EPHA3: variants seen among roughly 807,000 people sequenced by gnomAD.
The protein encoded by EPHA3 is EPH receptor A3.
EPHA3 carries 42 observed loss-of-function variants against 107.1 expected under a neutral mutation model. The ratio of observed to expected loss-of-function variants is 0.39; its 90% CI spans 0.31 to 0.51. The LOEUF is 0.51. Among genes scored for constraint, EPHA3 ranks in the 20% least tolerant of loss-of-function variants. The pLI is 0.78. For missense variants in EPHA3, 1,183 were observed against 1,211.2 expected, an observed-to-expected ratio of 0.98 and a Z score of 0.35; for synonymous variants, 461 against 424.8, an observed-to-expected ratio of 1.09 and a Z score of -1.05.
At chr3:89,240,272 G>T (rs1704863806) in intron 3 of EPHA3, among the ~76,000 whole-genome samples, 1 of 152,116 alleles carries the variant, frequency 6.6e-6, no homozygotes, top group Non-Finnish European at 1.5e-5. Flanking sequence ...GCAAATTTCT[G>T]TAAGTCCTCC....
Position 89,479,645 on chromosome 3 carries a change from A to G in EPHA3, c.*143A>G, listed in dbSNP as rs1710587119. 2 of 572,956 alleles carry G rather than the reference A, an allele frequency of 3.5e-6. No homozygotes were observed. The highest frequency in any genetic ancestry group is 6.1e-6 in the Non-Finnish European group (2 of 325,730). 35.5% of individuals were successfully genotyped at this position (572,956 alleles called of 1,614,324 possible). A position where few individuals can be genotyped will look rare whatever the true frequency, so the allele number is the denominator to read the frequency against. The stretch of plus-strand genomic sequence containing the variant: ...TCAAATATGAGTACAAATGCCTTAA[A>G]ATGGAATTGAAAAACTCTTTATTTT... On this transcript the variant is annotated 3_prime_UTR_variant, in exon 17 of 17. Coordinates refer to ENST00000336596, the MANE Select transcript of EPHA3 (RefSeq NM_005233.6).
At chr3:89,213,697 A>T (rs150355210) in intron 3 of EPHA3, among the ~76,000 whole-genome samples, 15 of 152,132 alleles carry the variant, frequency 9.9e-5, no homozygotes, top group African/African-American at 3.1e-4. Context: ...CTAGATTAAT[A>T]CCTGTAATAA....
intron 3 of EPHA3, among the ~76,000 whole-genome samples, chr3:89,320,588 A>T (rs1707019437): frequency 7.8e-6 from 1 of 127,808 alleles, no homozygotes; most frequent in Non-Finnish European, 1.7e-5. Flanking sequence ...AAATGAAACA[A>T]TCCCATGGAC....
intron 9 of EPHA3, among the ~76,000 whole-genome samples, chr3:89,412,771 T>C (rs929302678): frequency 2.1e-4 from 32 of 151,916 alleles, no homozygotes; most frequent in African/African-American, 7.7e-4. Flanking sequence ...TGTGTAATCA[T>C]AAATATGCAA....
At chr3:89,285,447 A>G (rs1244832062) in intron 3 of EPHA3, among the ~76,000 whole-genome samples, 1 of 152,232 alleles carries the variant, frequency 6.6e-6, no homozygotes, top group African/African-American at 2.4e-5. Context: ...ATAATACAAC[A>G]AAATAAATCT....
chr3:89,215,671 AT>A (rs1704206504), intron 3 of EPHA3, among the ~76,000 whole-genome samples: 1 of 151,944 alleles, frequency 6.6e-6, no homozygotes, highest in Non-Finnish European at 1.5e-5. Flanking sequence ...GGCCTTAAAA[AT>A]CACAAGAAGT....
chr3:89,141,603 C>T (rs1366849875), intron 2 of EPHA3, among the ~76,000 whole-genome samples: 1 of 151,590 alleles, frequency 6.6e-6, no homozygotes, highest in Admixed American at 6.6e-5. Flanking sequence ...CCAAAGATCA[C>T]ACTTTAAGAA....
intron 2 of EPHA3, among the ~76,000 whole-genome samples, chr3:89,193,546 AATATT>A (rs928780883): frequency 1.3e-5 from 2 of 151,990 alleles, no homozygotes; most frequent in African/African-American, 2.4e-5. Context: ...TTAACAATAA[AATATT>A]ATATAGTTTC....
At chr3:89,163,793 A>G (rs1020847519) in intron 2 of EPHA3, among the ~76,000 whole-genome samples, 2 of 152,166 alleles carry the variant, frequency 1.3e-5, no homozygotes, top group Admixed American at 1.3e-4. Flanking sequence ...GAGAACCTAC[A>G]GTGTTACTTT....
At chr3:89,292,791 G>T (rs948754090) in intron 3 of EPHA3, among the ~76,000 whole-genome samples, 2 of 152,048 alleles carry the variant, frequency 1.3e-5, no homozygotes, top group Non-Finnish European at 2.9e-5. Context: ...AATTTCAAAA[G>T]TCTTTGATTT....
At chr3:89,368,611 G>C (rs141768198) in intron 5 of EPHA3, among the ~76,000 whole-genome samples, 6 of 150,424 alleles carry the variant, frequency 4.0e-5, no homozygotes, top group African/African-American at 7.3e-5. Flanking sequence ...CAAGAAGCTG[G>C]ATCTTCAATA....
At chr3:89,434,210 A>T (rs2107540021) in intron 13 of EPHA3, among the ~76,000 whole-genome samples, 1 of 152,050 alleles carries the variant, frequency 6.6e-6, no homozygotes, top group South Asian at 2.1e-4. Context: ...TAAATTATTT[A>T]TTTATTTATT....
At chr3:89,205,972 TTTAA>T (rs1303707879) in intron 2 of EPHA3, among the ~76,000 whole-genome samples, 1 of 152,186 alleles carries the variant, frequency 6.6e-6, no homozygotes, top group Non-Finnish European at 1.5e-5. Flanking sequence ...TAACAGCAGC[TTTAA>T]TTAATGATTT....
chr3:89,276,834 C>T (rs1412633203), intron 3 of EPHA3, among the ~76,000 whole-genome samples: 1 of 151,996 alleles, frequency 6.6e-6, no homozygotes, highest in Non-Finnish European at 1.5e-5. Flanking sequence ...TCTAAAAGTC[C>T]GTCTGTTTTG....
chr3:89,395,663 G>T (rs925580520), intron 5 of EPHA3, among the ~76,000 whole-genome samples, 174 bp from the exon 6 acceptor site: 2 of 152,060 alleles, frequency 1.3e-5, no homozygotes, highest in African/African-American at 4.8e-5. Context: ...CTGGATATGG[G>T]GCCAGATTAA....
intron 15 of EPHA3, among the ~76,000 whole-genome samples, chr3:89,455,423 G>A (rs1710077805): frequency 6.6e-6 from 1 of 152,158 alleles, no homozygotes; most frequent in African/African-American, 2.4e-5. Context: ...ATGACTGAAG[G>A]GAGTCTGTCA....
chr3:89,222,164 G>A (rs1041249895), intron 3 of EPHA3, among the ~76,000 whole-genome samples: 1 of 151,828 alleles, frequency 6.6e-6, no homozygotes, highest in African/African-American at 2.4e-5. Context: ...GAGAACCAGG[G>A]CTCAGAAAGA....
At chr3:89,198,595 T>C (rs1384969620) in intron 2 of EPHA3, among the ~76,000 whole-genome samples, 3 of 152,192 alleles carry the variant, frequency 2.0e-5, no homozygotes, top group African/African-American at 7.2e-5. Context: ...ATTGGTGCTA[T>C]AAAACAGCTT....
chr3:89,156,879 A>AT (rs71105117), intron 2 of EPHA3, among the ~76,000 whole-genome samples: 17,956 of 147,794 alleles, frequency 0.12, 1,099 homozygotes, highest in Middle Eastern at 0.19. Context: ...TACACATTTT[A>AT]TTTTTTTTTT....
Sources: gnomAD v4.1 joint callset for allele counts (sites outside exome capture counted in the v4.1 genomes callset) on GRCh38, gnomAD v4.1.1 for gene constraint, MANE v1.5 for transcripts, NCBI Gene and HGNC (gene_info 2026-07-23, HGNC 2026-07-21) for gene names.